PKD1: variants seen among roughly 807,000 people sequenced by gnomAD.
PKD1 encodes polycystin 1, transient receptor potential channel interacting.
A neutral mutation model predicts 361.7 loss-of-function variants in PKD1; 81 were observed. The ratio of observed to expected loss-of-function variants is 0.22; its 90% confidence interval spans 0.19 to 0.27. PKD1 has a LOEUF of 0.27. PKD1 is among the 10% of genes least tolerant of loss of function. PKD1 has a pLI of 1.00. For missense variants in PKD1, 6,399 were observed against 6,118.3 expected, an observed-to-expected ratio of 1.05 and a Z score of -1.53; for synonymous variants, 3,615 against 2,818.3, an observed-to-expected ratio of 1.28 and a Z score of -8.95.
chr16:2,120,230 A>G (rs2092699086), intron 1 of PKD1: 1 of 228,172 alleles, frequency 4.4e-6, no homozygotes, highest in Non-Finnish European at 8.6e-6. Context: ...ATAAATACAT[A>G]CATAATTAAT....
At chr16:2,093,759 G>C in intron 36 of PKD1, 21 bp from the exon 37 acceptor site, 1 of 1,568,798 alleles carries the variant, frequency 6.4e-7, no homozygotes, top group Non-Finnish European at 8.6e-7. Context: ...GGTGGCTTCA[G>C]AGGGGTCCCC....
rs541777274 is a variant in PKD1 at position 2,110,431 on chromosome 16, C to G, written c.4736G>C (p.Arg1579Pro). 1 of 1,612,464 alleles carries G rather than the reference C, an allele frequency of 6.2e-7. No homozygotes were observed. Among genetic ancestry groups the G allele is most frequent in the Non-Finnish European group, 8.5e-7 (1 of 1,179,854 alleles). ...STSLEAGSDV[R>P]YSWVLCDRCT... The stretch of plus-strand genomic sequence containing the variant: ...GCGGTCACAGAGCACCCAGGAATAG[C>G]GCACATCACTGCCGGCCTCCAGCGA... The change falls in exon 15 of 46, where the codon CGC becomes CCC. Residue 1579 changes from arginine (R) to proline (P), a missense_variant. Coordinates refer to ENST00000262304, the MANE Select transcript of PKD1 (RefSeq NM_001009944.3).
In PKD1 at chr16:2,109,779, C is replaced by T. The variant is rs373317336; in HGVS notation, c.5388G>A (p.Val1796=). ...PLGSANATVE[V]DVQVPVSGLS... is the part of the protein sequence containing the mutation. ...GGCCACTCACAGGCACCTGCACATC[C>T]ACTTCCACGGTGGCGTTGGCTGAGC... is the stretch of plus-strand genomic sequence containing the variant. Residue 1796 remains valine, a synonymous_variant, in exon 15 of 46, where the codon GTG becomes GTA. Coordinates refer to ENST00000262304, the MANE Select transcript of PKD1 (RefSeq NM_001009944.3). 6.2e-7 allele frequency: 1 copy of T among 1,609,900 alleles called. No individual in the cohort carries two copies. The highest frequency in any genetic ancestry group is 8.5e-7 in the Non-Finnish European group (1 of 1,179,498).
Position 2,114,848 on chromosome 16 carries a change from G to C in PKD1, c.2175C>G (p.Ala725=). ...VGLQHDAGPG[A]LLHCSPAPGH... ...CGGGAGCCGGCGAGCAGTGCAGGAG[G>C]GCGCCAGGGCCAGCGTCGTGCTGCA... The change falls in exon 11 of 46, where the codon GCC becomes GCG. Residue 725 remains alanine (A), a synonymous_variant. Coordinates refer to ENST00000262304, the MANE Select transcript of PKD1 (RefSeq NM_001009944.3). The C allele has an allele frequency of 6.8e-7, 1 of 1,473,214 alleles. No homozygotes were observed. Among genetic ancestry groups the C allele is most frequent in the East Asian group, 2.5e-5 (1 of 40,608 alleles). The allele number at this position is 1,473,214 out of a possible 1,614,324, so 91.3% of individuals were successfully genotyped here. A position where few individuals can be genotyped will look rare whatever the true frequency, so the allele number is the denominator to read the frequency against.
At chr16:2,104,423 G>A (rs368991932) in intron 22 of PKD1, 75 bp downstream of exon 22, 128 of 1,142,920 alleles carry the variant, frequency 1.1e-4, no homozygotes, top group East Asian at 9.5e-4. Flanking sequence ...AAGGCGACGC[G>A]GTTGGGGGGA....
At chr16:2,130,641 C>T (rs1016363175) in intron 1 of PKD1, among the ~76,000 whole-genome samples, 48 of 152,204 alleles carry the variant, frequency 3.2e-4, no homozygotes, top group Non-Finnish European at 5.3e-4. Context: ...GCCAGCCCCC[C>T]AAGGAAGCTG....
intron 20 of PKD1, 120 bp from the exon 21 acceptor site, chr16:2,105,594 G>C: frequency 6.3e-7 from 1 of 1,588,104 alleles, no homozygotes; most frequent in Non-Finnish European, 8.5e-7. Context: ...TGCGGGCACT[G>C]ACCCACAACA....
In PKD1 at chr16:2,094,006, C is replaced by T. The variant is rs1436702379; in HGVS notation, c.10626G>A (p.Val3542=). 11 of 1,589,970 alleles carry T rather than the reference C, an allele frequency of 6.9e-6. No homozygotes were observed. The highest frequency in any genetic ancestry group is 9.4e-6 in the Non-Finnish European group (11 of 1,169,744). ...QAARLSRTGL[V]EGLRKRLLPA... ...GCAGCAGGCGCTTCCGCAGACCCTCCACCAGTCCTGGGGAAGCAGAGACAG... is the reference window on the plus strand; with the variant it reads ...GCAGCAGGCGCTTCCGCAGACCCTCTACCAGTCCTGGGGAAGCAGAGACAG... The change falls in exon 36 of 46, where the codon GTG becomes GTA. Residue 3542 remains valine (V), a synonymous_variant. Coordinates refer to ENST00000262304, the MANE Select transcript of PKD1 (RefSeq NM_001009944.3).
Position 2,106,143 on chromosome 16 carries a change from G to A in PKD1, c.7651C>T (p.Leu2551=). 1.9e-6 allele frequency: 3 copies of A among 1,606,858 alleles called. No individual in the cohort carries two copies. The highest frequency in any genetic ancestry group is 1.1e-5 in the South Asian group (1 of 90,696). Reference sequence around the variant, plus strand: ...AGCTGGTCCTGCACCACCACGGCCAGGCCCACCTCGAAGTGTGGCCTGAAA... The same window carrying A: ...AGCTGGTCCTGCACCACCACGGCCAAGCCCACCTCGAAGTGTGGCCTGAAA... ...PGFRPHFEVG[L]AVVVQDQLGA... The change falls in exon 19 of 46, where the codon CTG becomes TTG. Residue 2551 remains leucine (L), a synonymous_variant. Coordinates refer to ENST00000262304, the MANE Select transcript of PKD1 (RefSeq NM_001009944.3). The surrounding 1 kb of genome is among the most constrained non-coding windows in gnomAD (Gnocchi z 6.5).
At chr16:2,121,753 T>G (rs973759901) in intron 1 of PKD1, among the ~76,000 whole-genome samples, 2 of 149,498 alleles carry the variant, frequency 1.3e-5, no homozygotes, top group African/African-American at 5.0e-5. Flanking sequence ...GGCACAGGAC[T>G]ATGGCTCCGC....
At chr16:2,131,086 A>T (rs1026458256) in intron 1 of PKD1, among the ~76,000 whole-genome samples, 12 of 152,136 alleles carry the variant, frequency 7.9e-5, no homozygotes, top group Admixed American at 7.9e-4. Flanking sequence ...CAAAGCACAC[A>T]CTCACAGCAC....
intron 38 of PKD1, 87 bp downstream of exon 38, chr16:2,092,867 C>T (rs2091661193): frequency 2.0e-6 from 3 of 1,489,260 alleles, no homozygotes; most frequent in Non-Finnish European, 2.8e-6. Context: ...AAGGTATCTA[C>T]ACATGTCCAC....
intron 1 of PKD1, among the ~76,000 whole-genome samples, chr16:2,125,666 C>T (rs1379971814): frequency 7.0e-6 from 1 of 143,504 alleles, no homozygotes; most frequent in Non-Finnish European, 1.5e-5. Context: ...GAGACGAGCC[C>T]ACCTGTGGGG....
intron 1 of PKD1, among the ~76,000 whole-genome samples, chr16:2,125,885 G>A (rs2151840828): frequency 6.6e-6 from 1 of 152,266 alleles, no homozygotes; most frequent in Middle Eastern, 3.4e-3. Context: ...CGCTCCTGAT[G>A]GGCACACTGA....
chr16:2,092,765 G>A (rs2091655547), intron 38 of PKD1, 173 bp from the exon 39 acceptor site: 2 of 837,496 alleles, frequency 2.4e-6, no homozygotes, highest in African/African-American at 1.7e-5. Context: ...GTCTGTCATG[G>A]GCCCGTCCTG....
Position 2,107,977 on chromosome 16 carries a change from G to C in PKD1, c.6971C>G (p.Thr2324Ser), listed in dbSNP as rs2151783969. ...NFGPRGSSTV[T>S]IPRERLAAGV... ...AGCCGCCAGCCGCTCCCGTGGAATGGTGACCGTGCTGCTCCCGCGGGGCCC... is the reference window on the plus strand; with the variant it reads ...AGCCGCCAGCCGCTCCCGTGGAATGCTGACCGTGCTGCTCCCGCGGGGCCC... The change falls in exon 16 of 46, where the codon ACC becomes AGC. Residue 2324 changes from threonine to serine, a missense_variant. By Grantham distance (58) the Thr-to-Ser change is moderately conservative (BLOSUM62 1). Coordinates refer to ENST00000262304, the MANE Select transcript of PKD1 (RefSeq NM_001009944.3). The C allele has an allele frequency of 1.9e-6, 3 of 1,548,510 alleles. No individual in the cohort carries two copies. Among genetic ancestry groups the C allele is most frequent in the East Asian group, 2.4e-5 (1 of 41,044 alleles).
rs556035783 is a variant in PKD1, at chr16:2,089,649, C to T, written c.*78G>A. On this transcript the variant is annotated 3_prime_UTR_variant, in exon 46 of 46. Transcript: ENST00000262304. ...ACGTGCAGCCATTCTGCCTGGCCCT[C>T]GGCCTTGACAGCGGCAGAAAGTAAT... 21 of 1,512,338 alleles carry T rather than the reference C, an allele frequency of 1.4e-5. No individual in the cohort carries two copies. The East Asian group carries it at 1.7e-4, about 12-fold the overall frequency. The allele number at this position is 1,512,338 out of a possible 1,614,324, so 93.7% of individuals were successfully genotyped here. A position where few individuals can be genotyped will look rare whatever the true frequency, so the allele number is the denominator to read the frequency against.
Position 2,106,274 on chromosome 16 carries a change from G to T in PKD1, c.7520C>A (p.Pro2507Gln). Residue 2507 changes from proline (P) to glutamine (Q), a missense_variant, in exon 19 of 46, where the codon CCG (proline) becomes CAG (glutamine). Transcript: ENST00000262304. This position sits in a 1 kb window ranked among gnomAD's most constrained non-coding sequence, Gnocchi z 6.5. The stretch of plus-strand genomic sequence containing the variant: ...CCGCAGCAGCAGGGCGTACACCAGC[G>T]GGGCGCCAGCATCCTCCGCGTCATG... ...GWHDAEDAGA[P>Q]LVYALLLRRC... 6.2e-7 allele frequency: 1 copy of T among 1,610,020 alleles called. No individual in the cohort carries two copies. The highest frequency in any genetic ancestry group is 8.5e-7 in the Non-Finnish European group (1 of 1,179,450).
chr16:2,117,437 G>A, intron 6 of PKD1, 52 bp downstream of exon 6: 1 of 1,309,254 alleles, frequency 7.6e-7, no homozygotes, highest in East Asian at 2.5e-5. Flanking sequence ...CTCTGCCCCA[G>A]TGCTTCAGAG....
Sources: gnomAD v4.1 joint callset for allele counts (sites outside exome capture counted in the v4.1 genomes callset) on GRCh38, gnomAD v4.1.1 for gene constraint, Gnocchi (gnomAD v3.1) non-coding constraint, MANE v1.5 for transcripts, NCBI Gene and HGNC (gene_info 2026-07-23, HGNC 2026-07-21) for gene names.